CLDN16: variants seen among roughly 807,000 people sequenced by gnomAD.
CLDN16 encodes the protein claudin-16.
A neutral mutation model predicts 24.6 loss-of-function variants in CLDN16; 13 were observed. That is an observed-to-expected ratio of 0.53 (90% CI 0.34 to 0.84). The LOEUF is 0.84. CLDN16 is among the 40% of genes least tolerant of loss of function. CLDN16 has a pLI of 0.01. For synonymous variants in CLDN16, 116 were observed against 106.7 expected (o/e 1.09, Z -0.54); for missense variants, 298 against 292.7 (o/e 1.02, Z -0.13).
At chr3:190,343,872 T>C (rs1214016820) in intron 1 of CLDN16, among the ~76,000 whole-genome samples, 4 of 152,042 alleles carry the variant, frequency 2.6e-5, no homozygotes, top group Non-Finnish European at 4.4e-5. Context: ...CAACGTAGGA[T>C]GAACAAGTTG....
chr3:190,388,240 C>T lies in CLDN16; in HGVS notation c.-90C>T, dbSNP rs1375482100. ...ACCAGTATTTTCACATTGCCAGGTACCAGAAACACAGAAGACTGACACCCG... is the reference window on the plus strand; with the variant it reads ...ACCAGTATTTTCACATTGCCAGGTATCAGAAACACAGAAGACTGACACCCG... On this transcript the variant is annotated 5_prime_UTR_variant, in exon 1 of 5. Coordinates refer to ENST00000264734, the MANE Select transcript of CLDN16 (RefSeq NM_006580.4). 5.0e-6 allele frequency: 8 copies of T among 1,613,830 alleles called. No individual in the cohort carries two copies. The highest frequency in any genetic ancestry group is 3.3e-5 in the Admixed American group (2 of 59,968).
chr3:190,347,006 T>C (rs1013207789), intron 1 of CLDN16, among the ~76,000 whole-genome samples: 1 of 152,168 alleles, frequency 6.6e-6, no homozygotes, highest in Non-Finnish European at 1.5e-5. Flanking sequence ...AACACTATTA[T>C]TATTTTGGAG....
intron 2 of CLDN16, 30 bp downstream of exon 2, chr3:190,402,469 C>A: frequency 6.5e-7 from 1 of 1,530,168 alleles, no homozygotes. Context: ...CACTGCTTGC[C>A]AGGAAGGGAA....
At chr3:190,390,291 C>CTTTG (rs77907544) in intron 1 of CLDN16, among the ~76,000 whole-genome samples, 28,290 of 152,088 alleles carry the variant, frequency 0.19, 3,048 homozygotes, top group Middle Eastern at 0.29. Flanking sequence ...AATCCCAATA[C>CTTTG]TTTGGAAGGC....
chr3:190,408,625 A>G, intron 4 of CLDN16, 120 bp downstream of exon 4: 10 of 919,722 alleles, frequency 1.1e-5, no homozygotes, highest in Non-Finnish European at 1.7e-5. Flanking sequence ...TATTGCCATT[A>G]AAAATTCCAA....
intron 1 of CLDN16, among the ~76,000 whole-genome samples, chr3:190,361,678 T>C (rs953267514): frequency 6.6e-6 from 1 of 151,926 alleles, no homozygotes; most frequent in African/African-American, 2.4e-5. Context: ...AAAGAGTCCT[T>C]GGCAGAGCTT....
chr3:190,406,344 T>A (rs761017013), intron 3 of CLDN16, among the ~76,000 whole-genome samples: 1 of 152,228 alleles, frequency 6.6e-6, no homozygotes, highest in African/African-American at 2.4e-5. Context: ...AGCATAGAAC[T>A]TTTTAATATA....
At chr3:190,302,110 T>C in the CLDN16 span, among the ~76,000 whole-genome samples, 9,528 of 152,286 alleles carry the variant, frequency 0.063, 370 homozygotes, top group Middle Eastern at 0.11. Flanking sequence ...TGATTCTACC[T>C]TGGGGAACTT....
At chr3:190,324,573 A>G (rs1717017826) in intron 1 of CLDN16, among the ~76,000 whole-genome samples, 1 of 152,218 alleles carries the variant, frequency 6.6e-6, no homozygotes. Context: ...ACTCTGCATT[A>G]CAACTGGTTT....
At chr3:190,363,189 C>A (rs1275611333) in intron 1 of CLDN16, among the ~76,000 whole-genome samples, 1 of 151,608 alleles carries the variant, frequency 6.6e-6, no homozygotes, top group Non-Finnish European at 1.5e-5. Flanking sequence ...TTTTCTAGGT[C>A]ATTATTTTTT....
intron 2 of CLDN16, 55 bp downstream of exon 2, chr3:190,402,494 G>A: frequency 7.4e-7 from 1 of 1,345,724 alleles, no homozygotes; most frequent in Non-Finnish European, 1.1e-6. Context: ...ACAGAAAACT[G>A]AGTTCAGGTT....
chr3:190,355,897 G>C (rs915845554), intron 1 of CLDN16, among the ~76,000 whole-genome samples: 2 of 149,180 alleles, frequency 1.3e-5, no homozygotes, highest in African/African-American at 5.0e-5. Context: ...TTGTTGGTTG[G>C]TTCTTTTATT....
intron 1 of CLDN16, among the ~76,000 whole-genome samples, chr3:190,354,442 TA>T (rs1317968585): frequency 6.6e-6 from 1 of 151,956 alleles, no homozygotes; most frequent in Non-Finnish European, 1.5e-5. Flanking sequence ...TTACTTTATA[TA>T]AAAAGGGATT....
the CLDN16 span, among the ~76,000 whole-genome samples, chr3:190,298,961 T>C: frequency 2.0e-5 from 3 of 152,206 alleles, no homozygotes; most frequent in African/African-American, 7.2e-5. Flanking sequence ...TTCTCAAAAA[T>C]ATATGCTTAT....
rs104893729 is a variant in CLDN16, at chr3:190,404,787, G to T, written c.243G>T (p.Leu81Phe). ...HPLKLVVTRA[L>F]MITADILAGF... ...TGAAGCTGGTGGTAACTCGAGCGTT[G>T]ATGATTACTGCAGATATTCTAGCTG... Residue 81 changes from leucine (L) to phenylalanine (F), a missense_variant, in exon 3 of 5, where the codon TTG becomes TTT. Coordinates refer to ENST00000264734, the MANE Select transcript of CLDN16 (RefSeq NM_006580.4). 103 of 1,613,992 alleles carry T rather than the reference G, an allele frequency of 6.4e-5. No individual in the cohort carries two copies. Among genetic ancestry groups the T allele is most frequent in the Non-Finnish European group, 8.5e-5 (100 of 1,180,036 alleles).
At chr3:190,361,294 G>A (rs770809207) in intron 1 of CLDN16, among the ~76,000 whole-genome samples, 29 of 151,978 alleles carry the variant, frequency 1.9e-4, no homozygotes, top group Non-Finnish European at 7.4e-5. Context: ...TAGTGAAAGT[G>A]CCTTTGCAAA....
intron 1 of CLDN16, among the ~76,000 whole-genome samples, chr3:190,368,819 T>A (rs1377000655): frequency 1.3e-5 from 2 of 151,950 alleles, no homozygotes; most frequent in Admixed American, 1.3e-4. Flanking sequence ...CCACCTTTCC[T>A]CTGTATTTTT....
chr3:190,396,352 G>A (rs1178883515), intron 1 of CLDN16, among the ~76,000 whole-genome samples: 1 of 152,092 alleles, frequency 6.6e-6, no homozygotes, highest in Non-Finnish European at 1.5e-5. Flanking sequence ...TAATTTTTTG[G>A]CTTCTGGATT....
intron 1 of CLDN16, among the ~76,000 whole-genome samples, chr3:190,340,725 C>G (rs1367590284): frequency 6.6e-6 from 1 of 152,130 alleles, no homozygotes; most frequent in African/African-American, 2.4e-5. Context: ...AGCATTAACT[C>G]AAAAGTCCAA....
Sources: gnomAD v4.1 joint callset for allele counts (sites outside exome capture counted in the v4.1 genomes callset) on GRCh38, gnomAD v4.1.1 for gene constraint, MANE v1.5 for transcripts, NCBI Gene and HGNC (gene_info 2026-07-23, HGNC 2026-07-21) for gene names.